Variants in TMEM71 observed in about 807,000 individuals in gnomAD.
TMEM71 encodes the protein transmembrane protein 71.
In TMEM71, 44 loss-of-function variants were observed where a neutral mutation model predicts 38.0. The observed-to-expected ratio is 1.16, with a 90% CI of 0.91 to 1.49. TMEM71 has a LOEUF of 1.49. Ranked by LOEUF, TMEM71 falls within the 40% of genes most tolerant of loss-of-function variation. The pLI, the probability that TMEM71 is intolerant of heterozygous loss-of-function variation, is 0.00. For missense variants in TMEM71, 367 were observed against 348.6 expected, an observed-to-expected ratio of 1.05 and a Z score of -0.42; for synonymous variants, 133 against 122.5, an observed-to-expected ratio of 1.09 and a Z score of -0.56.
chr8:132,749,665 T>A (rs1003436265), intron 4 of TMEM71, among the ~76,000 whole-genome samples: 1 of 152,152 alleles, frequency 6.6e-6, no homozygotes, highest in Non-Finnish European at 1.5e-5. Flanking sequence ...AGTCTCTGCT[T>A]CAAGGTGGGT....
intron 6 of TMEM71, 113 bp downstream of exon 6, chr8:132,727,685 C>T (rs1827222852): frequency 7.7e-6 from 7 of 912,416 alleles, no homozygotes; most frequent in Admixed American, 2.8e-5. Flanking sequence ...CTCCCTTCCT[C>T]GCACAGGTTG....
At chr8:132,746,792 G>A (rs979065391) in intron 5 of TMEM71, 150 bp downstream of exon 5, 17 of 555,988 alleles carry the variant, frequency 3.1e-5, no homozygotes, top group Non-Finnish European at 4.8e-5. Flanking sequence ...ATGTAATATA[G>A]AGAGAACTTT....
intron 5 of TMEM71, among the ~76,000 whole-genome samples, chr8:132,729,748 A>G (rs1827347624): frequency 6.6e-6 from 1 of 152,166 alleles, no homozygotes; most frequent in Admixed American, 6.5e-5. Context: ...GGGACAGAAA[A>G]AAGGCCTTGG....
chr8:132,747,184 C>T (rs539276323), intron 4 of TMEM71, 70 bp from the exon 5 acceptor site: 66 of 1,326,144 alleles, frequency 5.0e-5, no homozygotes, highest in Middle Eastern at 2.3e-4. Flanking sequence ...TGATTTGAAG[C>T]GCAGAGTACA....
chr8:132,757,157 A>C, intron 3 of TMEM71, 77 bp downstream of exon 3: 1 of 1,052,008 alleles, frequency 9.5e-7, no homozygotes, highest in Non-Finnish European at 1.4e-6. Context: ...CGGCCTCCCA[A>C]AGTGCTGGGA....
the TMEM71 span, among the ~76,000 whole-genome samples, chr8:132,766,124 T>C: frequency 6.6e-6 from 1 of 152,178 alleles, no homozygotes; most frequent in African/African-American, 2.4e-5. Context: ...GCAAGTTGGC[T>C]GTAGCTTTGC....
chr8:132,761,559 C>T (rs1200153816), upstream of TMEM71, among the ~76,000 whole-genome samples: 1 of 152,178 alleles, frequency 6.6e-6, no homozygotes, highest in Non-Finnish European at 1.5e-5. Context: ...TGCCACATGG[C>T]AGGATCTTCT....
downstream of TMEM71, among the ~76,000 whole-genome samples, chr8:132,708,962 T>A (rs1207488010): frequency 6.6e-6 from 1 of 152,124 alleles, no homozygotes; most frequent in Non-Finnish European, 1.5e-5. Context: ...GATAATAAAT[T>A]TGCATTGTTT....
upstream of TMEM71, among the ~76,000 whole-genome samples, chr8:132,761,547 T>C (rs1003143478): frequency 7.2e-5 from 11 of 152,348 alleles, no homozygotes; most frequent in South Asian, 4.1e-4. Flanking sequence ...CCCCTGAGGT[T>C]CTGCCACATG....
chr8:132,746,936 A>G lies in TMEM71; in HGVS notation c.487+6T>C, dbSNP rs772327208. 6.3e-7 allele frequency: 1 copy of G among 1,579,654 alleles called. No individual in the cohort carries two copies. The highest frequency in any genetic ancestry group is 8.6e-7 in the Non-Finnish European group (1 of 1,165,990). ...TTTTACTATGGAAAGGAGGACTCAA[A>G]CTCACCATTTCCATTGCAATGGTCT... On this transcript the variant is annotated splice_donor_region_variant and intron_variant, in intron 5 of 9. Coordinates refer to ENST00000677595, the MANE Select transcript of TMEM71 (RefSeq NM_001382403.1).
downstream of TMEM71, among the ~76,000 whole-genome samples, chr8:132,708,519 T>A (rs1233194799): frequency 6.6e-6 from 1 of 152,206 alleles, no homozygotes; most frequent in African/African-American, 2.4e-5. Context: ...AATCTCAGTT[T>A]CTGCAGAGGT....
At chr8:132,766,748 G>T in the TMEM71 span, among the ~76,000 whole-genome samples, 1 of 148,022 alleles carries the variant, frequency 6.8e-6, no homozygotes, top group African/African-American at 2.5e-5. Context: ...CCAACATTGC[G>T]TACCCTAACC....
intron 5 of TMEM71, among the ~76,000 whole-genome samples, chr8:132,733,978 A>G (rs954447045): frequency 2.0e-5 from 3 of 152,248 alleles, no homozygotes; most frequent in Admixed American, 2.0e-4. Flanking sequence ...CAGAGAGTAC[A>G]ATAGTGGCTG....
At chr8:132,767,622 G>C in the TMEM71 span, among the ~76,000 whole-genome samples, 1 of 151,774 alleles carries the variant, frequency 6.6e-6, no homozygotes, top group Non-Finnish European at 1.5e-5. Flanking sequence ...CTACAGGTGC[G>C]CACCACCATG....
chr8:132,715,137 G>A (rs1255231811), intron 7 of TMEM71, among the ~76,000 whole-genome samples: 2 of 151,964 alleles, frequency 1.3e-5, no homozygotes, highest in East Asian at 1.9e-4. Flanking sequence ...GCAGGGCGCG[G>A]TGCTCATGCC....
intron 5 of TMEM71, among the ~76,000 whole-genome samples, chr8:132,735,024 C>A (rs1043417890): frequency 1.3e-5 from 2 of 152,188 alleles, no homozygotes; most frequent in Non-Finnish European, 2.9e-5. Flanking sequence ...GAAAGGCATG[C>A]ACCTCAAGCT....
chr8:132,746,474 T>C (rs199576899), intron 5 of TMEM71, among the ~76,000 whole-genome samples: 10 of 12,842 alleles, frequency 7.8e-4, no homozygotes, highest in South Asian at 7.7e-3. Context: ...CATATATATA[T>C]ACATATATAT....
rs746204422 is a variant in TMEM71 at position 132,727,755 on chromosome 8, G to C, written c.676+43C>G. On this transcript the variant is annotated intron_variant, in intron 6 of 9. Coordinates refer to ENST00000677595, the MANE Select transcript of TMEM71 (RefSeq NM_001382403.1). ...AGTCATTCTCAGGCTCTGAAAGGAA[G>C]AATTCTTTGGGTGTGGCAAATATTT... 4.0e-6 allele frequency: 6 copies of C among 1,505,590 alleles called. No homozygotes were observed. In the South Asian group the frequency reaches 7.7e-5, roughly 19 times the overall value. 93.3% of individuals were successfully genotyped at this position (1,505,590 alleles called of 1,614,324 possible).
At chr8:132,757,397 T>G in intron 2 of TMEM71, 103 bp from the exon 3 acceptor site, 1 of 790,896 alleles carries the variant, frequency 1.3e-6, no homozygotes, top group Non-Finnish European at 2.1e-6. Flanking sequence ...AGTGGAGGCA[T>G]GTAAGAAGAT....
Sources: gnomAD v4.1 joint callset for allele counts (sites outside exome capture counted in the v4.1 genomes callset) on GRCh38, gnomAD v4.1.1 for gene constraint, MANE v1.5 for transcripts, NCBI Gene and HGNC (gene_info 2026-07-23, HGNC 2026-07-21) for gene names.